The following NSD1 variants were observed in gnomAD, a reference collection of about 807,000 sequenced individuals.
NSD1 encodes the protein histone-lysine N-methyltransferase, H3 lysine-36 specific.
Under a neutral mutation model 242.7 loss-of-function variants are expected in NSD1, and 26 were observed. The ratio of observed to expected loss-of-function variants is 0.11; its 90% CI spans 0.08 to 0.15. NSD1 has a LOEUF of 0.15. Ranked by LOEUF, NSD1 falls within the 10% of genes least tolerant of loss-of-function variation. The pLI is 1.00. For missense variants in NSD1, 2,495 were observed against 3,272.8 expected (o/e 0.76, Z 5.80); for synonymous variants, 1,106 against 1,178.1 (o/e 0.94, Z 1.25).
At chr5:177,267,541 C>A in intron 14 of NSD1, 21 bp from the exon 15 acceptor site, 1 of 1,613,310 alleles carries the variant, frequency 6.2e-7, no homozygotes, top group South Asian at 1.1e-5. Context: ...ATCTGAATGC[C>A]ACATTTTTTT....
chr5:177,283,763 G>A (rs1452651008), intron 19 of NSD1, 24 bp from the exon 20 acceptor site: 4 of 1,613,774 alleles, frequency 2.5e-6, no homozygotes, highest in Admixed American at 1.7e-5. Flanking sequence ...GAAGTCTGAT[G>A]TGTAGCTTCT....
Position 177,213,537 on chromosome 5 carries a change from G to A in NSD1, c.3796+1342G>A, listed in dbSNP as rs532136488. Among the ~76,000 whole-genome samples the A allele has an allele frequency of 2.7e-4, 41 of 152,020 alleles. No homozygotes were observed. In the East Asian group the frequency reaches 7.2e-3, roughly 27 times the overall value. ...GGCTGGAGTGCCGTGGCGTGATCTC[G>A]GCTCACTGCAGGCTCCGCCTCCCGG... On this transcript the variant is annotated intron_variant, in intron 5 of 22. Coordinates refer to ENST00000439151, the MANE Select transcript of NSD1 (RefSeq NM_022455.5).
At chr5:177,193,432 G>A (rs1023792293) in intron 3 of NSD1, among the ~76,000 whole-genome samples, 8 of 151,770 alleles carry the variant, frequency 5.3e-5, no homozygotes, top group East Asian at 1.9e-4. Context: ...GTGAGCCACC[G>A]TGCCGGGCCA....
intron 5 of NSD1, among the ~76,000 whole-genome samples, chr5:177,231,667 AC>A (rs532736771): frequency 5.0e-4 from 76 of 152,122 alleles, no homozygotes; most frequent in Admixed American, 2.7e-3. Context: ...TGATCCGCCC[AC>A]CTTGGCCTCC....
At chr5:177,224,331 T>C (rs1581370165) in intron 5 of NSD1, among the ~76,000 whole-genome samples, 1 of 152,144 alleles carries the variant, frequency 6.6e-6, no homozygotes, top group East Asian at 1.9e-4. Context: ...GATTCGTCTT[T>C]CACTTCTTTC....
chr5:177,137,076 G>C (rs1459019932), intron 2 of NSD1: 2 of 420,254 alleles, frequency 4.8e-6, no homozygotes, highest in Non-Finnish European at 8.4e-6. Flanking sequence ...TTGTTAGAGG[G>C]TGATAAATGA....
intron 20 of NSD1, 69 bp from the exon 21 acceptor site, chr5:177,288,749 CT>C (rs1204330044): frequency 8.0e-6 from 9 of 1,131,466 alleles, no homozygotes; most frequent in East Asian, 2.4e-5. Context: ...AGTTGGTATC[CT>C]TTGTAATTAA....
At chr5:177,249,652 A>C (rs909193818) in intron 11 of NSD1, among the ~76,000 whole-genome samples, 70 of 152,004 alleles carry the variant, frequency 4.6e-4, no homozygotes, top group African/African-American at 1.6e-3. Flanking sequence ...ATGTCCAGCT[A>C]ATTTTTTGTA....
intron 5 of NSD1, among the ~76,000 whole-genome samples, chr5:177,225,187 G>A (rs375806655): frequency 2.8e-4 from 42 of 152,150 alleles, no homozygotes; most frequent in East Asian, 9.6e-4. Context: ...CGCCCTCATC[G>A]CCCAGGCTTC....
chr5:177,156,888 T>C (rs1758180363), intron 2 of NSD1, among the ~76,000 whole-genome samples: 1 of 151,554 alleles, frequency 6.6e-6, no homozygotes, highest in Admixed American at 6.6e-5. Flanking sequence ...GGAGAATAGC[T>C]TGTGCCCAGG....
At chr5:177,197,710 T>A (rs1762210183) in intron 3 of NSD1, among the ~76,000 whole-genome samples, 1 of 152,236 alleles carries the variant, frequency 6.6e-6, no homozygotes, top group Non-Finnish European at 1.5e-5. Flanking sequence ...TATTTTACTG[T>A]ATCACAGGTA....
chr5:177,236,389 A>T (rs1431518598), intron 6 of NSD1, among the ~76,000 whole-genome samples: 1 of 152,196 alleles, frequency 6.6e-6, no homozygotes, highest in Non-Finnish European at 1.5e-5. Flanking sequence ...TTTCCTTTAT[A>T]ATCAATTTAA....
At position 177,134,928 on chromosome 5, in the gene NSD1, G is replaced by A. The variant is rs1026384549; in HGVS notation, c.-17-159G>A. ...AAAATGGAGTTTTCAGAGGCTCATC[G>A]AGGCCATTTTTTCATCTCCAGTCGG... is the stretch of plus-strand genomic sequence containing the variant. On this transcript the variant is annotated intron_variant, in intron 1 of 22. Transcript: ENST00000439151. The surrounding 1 kb of genome is among the most constrained non-coding windows in gnomAD (Gnocchi z 4.2). 1.3e-5 allele frequency among the ~76,000 whole-genome samples: 2 copies of A among 152,154 alleles called. No individual in the cohort carries two copies. Among genetic ancestry groups the A allele is most frequent in the Non-Finnish European group, 2.9e-5 (2 of 68,012 alleles).
In NSD1 at chr5:177,298,885, T is replaced by A. The variant is rs187296860; in HGVS notation, c.*3426T>A. On this transcript the variant is annotated 3_prime_UTR_variant, in exon 23 of 23. Coordinates refer to ENST00000439151, the MANE Select transcript of NSD1 (RefSeq NM_022455.5). ...TAAGGTGGATTTTACTAAGGTTTTT[T>A]AAATGATACTGTCATCCTCTTGGGG... 176 of 233,168 alleles carry A rather than the reference T, an allele frequency of 7.5e-4. 5 individuals carry two copies. The Admixed American group carries it at 9.6e-3, about 13-fold the overall frequency. The allele number at this position is 233,168 out of a possible 1,614,324, so 14.4% of individuals were successfully genotyped here.
At chr5:177,173,032 A>ACG (rs201674430) in intron 2 of NSD1, among the ~76,000 whole-genome samples, 3,767 of 150,808 alleles carry the variant, frequency 0.025, 48 homozygotes, top group African/African-American at 0.028. Context: ...GCGGTGGCTC[A>ACG]CGTGTAATCC....
intron 13 of NSD1, 58 bp from the exon 14 acceptor site, chr5:177,259,931 C>T: frequency 6.3e-7 from 1 of 1,580,212 alleles, no homozygotes; most frequent in South Asian, 1.1e-5. Flanking sequence ...AACTCACATT[C>T]TTTTTATATT....
chr5:177,293,077 A>C (rs1759968599), intron 22 of NSD1, among the ~76,000 whole-genome samples: 1 of 152,216 alleles, frequency 6.6e-6, no homozygotes, highest in Non-Finnish European at 1.5e-5. Flanking sequence ...CAGCACCAGG[A>C]AGTAGAATTG....
intron 5 of NSD1, among the ~76,000 whole-genome samples, chr5:177,226,002 T>C (rs1472357275): frequency 6.6e-6 from 1 of 152,204 alleles, no homozygotes; most frequent in African/African-American, 2.4e-5. Context: ...CTCATATCCA[T>C]GCATAATGAG....
intron 3 of NSD1, among the ~76,000 whole-genome samples, chr5:177,192,602 G>T (rs962428188): frequency 2.6e-5 from 4 of 152,122 alleles, no homozygotes; most frequent in African/African-American, 9.7e-5. Flanking sequence ...CTCCATGTTG[G>T]TCAGACTGGT....
Sources: allele counts gnomAD v4.1 joint callset (sites outside exome capture counted in the v4.1 genomes callset), GRCh38; gene constraint gnomAD v4.1.1; non-coding constraint Gnocchi (gnomAD v3.1); transcripts MANE v1.5; gene names NCBI Gene and HGNC (gene_info 2026-07-23, HGNC 2026-07-21).